Variants in ACACB observed in about 807,000 individuals in gnomAD.
The protein encoded by ACACB is acetyl-CoA carboxylase 2.
In ACACB, 209 loss-of-function variants were observed where a neutral mutation model predicts 278.8. The observed-to-expected ratio is 0.75, with a 90% CI of 0.67 to 0.84. ACACB has a LOEUF of 0.84. ACACB is among the 40% of genes least tolerant of loss of function. The pLI, the probability that ACACB is intolerant of heterozygous loss-of-function variation, is 0.00. For synonymous variants in ACACB, 1,174 were observed against 1,285.6 expected (o/e 0.91, Z 1.86); for missense variants, 2,850 against 3,269.0 (o/e 0.87, Z 3.13).
chr12:109,244,546 C>G (rs1308661189), intron 37 of ACACB, among the ~76,000 whole-genome samples: 2 of 152,188 alleles, frequency 1.3e-5, no homozygotes, highest in African/African-American at 4.8e-5. Context: ...ATGACTGAAC[C>G]AGAAGCAAAT....
chr12:109,212,986 A>G (rs1218662912), intron 22 of ACACB, 50 bp downstream of exon 22: 1 of 1,521,610 alleles, frequency 6.6e-7, no homozygotes, highest in African/African-American at 1.4e-5. Context: ...GAATCGTCGC[A>G]TGCATTGCAC....
At position 109,234,108 on chromosome 12, in the gene ACACB, G is replaced by C. The variant is rs116989914; in HGVS notation, c.4347+63G>C. On this transcript the variant is annotated intron_variant, in intron 31 of 52. Coordinates refer to ENST00000338432, the MANE Select transcript of ACACB (RefSeq NM_001093.4). ...TGGAGAAGGAGGAGGGGCTGGGCTCGTCGAGGCGGCCCTTGGGGAGGCAGG... is the reference window on the plus strand; with the variant it reads ...TGGAGAAGGAGGAGGGGCTGGGCTCCTCGAGGCGGCCCTTGGGGAGGCAGG... 4 of 1,389,040 alleles carry C rather than the reference G, an allele frequency of 2.9e-6. No homozygotes were observed. The East Asian group carries it at 7.5e-5, about 26-fold the overall frequency. 86.0% of individuals were successfully genotyped at this position (1,389,040 alleles called of 1,614,324 possible). A position where few individuals can be genotyped will look rare whatever the true frequency, so the allele number is the denominator to read the frequency against.
Position 109,265,257 on chromosome 12 carries a change from G to A in ACACB, c.7090G>A (p.Val2364Met), listed in dbSNP as rs552167251. The change falls in exon 51 of 53, where the codon GTG becomes ATG. Residue 2364 changes from valine (V) to methionine (M), a missense_variant. Val to Met is a conservative substitution (Grantham distance 21). Transcript: ENST00000338432. ...HIQSMLRRWF[V>M]ETEGAVKAYL... The stretch of plus-strand genomic sequence containing the variant: ...CCAGTCCATGCTGCGTCGCTGGTTC[G>A]TGGAGACGGAGGGGGCTGTCAAGGT... 88 of 1,613,064 alleles carry A rather than the reference G, an allele frequency of 5.5e-5. No homozygotes were observed. The highest frequency in any genetic ancestry group is 1.2e-4 in the Admixed American group (7 of 60,000).
intron 18 of ACACB, 111 bp downstream of exon 18, chr12:109,199,663 A>T: frequency 8.8e-7 from 1 of 1,136,856 alleles, no homozygotes; most frequent in Non-Finnish European, 1.1e-6. Context: ...CACTGTCTGC[A>T]AATTTCTAAG....
intron 37 of ACACB, 30 bp downstream of exon 37, chr12:109,242,622 C>T (rs538139462): frequency 1.2e-6 from 2 of 1,611,390 alleles, no homozygotes; most frequent in African/African-American, 1.3e-5. Context: ...CGCGGTACCC[C>T]CTGGGTCCTC....
chr12:109,262,223 T>C, intron 48 of ACACB, 134 bp from the exon 49 acceptor site: 1 of 650,808 alleles, frequency 1.5e-6, no homozygotes, highest in Non-Finnish European at 2.7e-6. Context: ...ACACAGCATG[T>C]GTGGGGGTAA....
chr12:109,227,535 C>T (rs1443530799), intron 28 of ACACB, 46 bp downstream of exon 28: 2 of 1,572,548 alleles, frequency 1.3e-6, no homozygotes, highest in East Asian at 2.2e-5. Context: ...TTCTGTTCTT[C>T]CTGACCTCTG....
intron 11 of ACACB, among the ~76,000 whole-genome samples, chr12:109,181,770 A>G (rs2044479754): frequency 6.6e-6 from 1 of 151,402 alleles, no homozygotes; most frequent in African/African-American, 2.4e-5. Flanking sequence ...AGTCCTACCA[A>G]CAGTGTATGA....
rs368718566 is a variant in ACACB, at chr12:109,236,555, C to T, written c.4447-610C>T. Among the ~76,000 whole-genome samples the T allele has an allele frequency of 7.9e-5, 12 of 152,222 alleles. No homozygotes were observed. In the South Asian group the frequency reaches 1.2e-3, roughly 16 times the overall value. On this transcript the variant is annotated intron_variant, in intron 33 of 52. Transcript: ENST00000338432. Reference sequence around the variant, plus strand: ...AGAATTGAGTAGTTGTGACAGAGCCCGTATGATCCATCAGCCTAAAACATT... The same window carrying T: ...AGAATTGAGTAGTTGTGACAGAGCCTGTATGATCCATCAGCCTAAAACATT...
Position 109,163,807 on chromosome 12 carries a change from G to A in ACACB, c.654-3054G>A, listed in dbSNP as rs576955425. Among the ~76,000 whole-genome samples the A allele has an allele frequency of 2.6e-5, 4 of 152,210 alleles. No homozygotes were observed. The East Asian group carries it at 7.7e-4, about 29-fold the overall frequency. On this transcript the variant is annotated intron_variant, in intron 2 of 52. Coordinates refer to ENST00000338432, the MANE Select transcript of ACACB (RefSeq NM_001093.4). Reference sequence around the variant, plus strand: ...TGGGATTACAGATGCACACCACCATGCCCGGCTAATTTTTGTATTTTTAGT... The same window carrying A: ...TGGGATTACAGATGCACACCACCATACCCGGCTAATTTTTGTATTTTTAGT...
At chr12:109,154,568 G>C (rs1365825479) in intron 2 of ACACB, 1 of 152,282 alleles carries the variant, frequency 6.6e-6, no homozygotes, top group Non-Finnish European at 1.5e-5. Flanking sequence ...CCGGCCCGGG[G>C]GCGGGGCTCC....
chr12:109,212,887 C>G lies in ACACB; in HGVS notation c.3301C>G (p.Arg1101Gly). The change falls in exon 22 of 53, where the codon CGA becomes GGA. Residue 1101 changes from arginine (R) to glycine (G), a missense_variant. Around this residue, in one of 3 missense-constraint regions of ACACB, gnomAD observed 2,265 missense variants for 2,561.3 expected, o/e 0.88. Transcript: ENST00000338432. Reference protein sequence around the residue: ...HAATLQRKADREVFFINTQSI... With the variant: ...HAATLQRKADGEVFFINTQSI... ...AGCCACCCTGCAGCGGAAGGCTGAT[C>G]GAGAGGTCTTCTTCATCAACACCCA... 1 of 1,614,120 alleles carries G rather than the reference C, an allele frequency of 6.2e-7. No individual in the cohort carries two copies. The highest frequency in any genetic ancestry group is 8.5e-7 in the Non-Finnish European group (1 of 1,180,010).
intron 1 of ACACB, among the ~76,000 whole-genome samples, chr12:109,119,477 C>T (rs1035198583): frequency 2.0e-5 from 3 of 151,728 alleles, no homozygotes; most frequent in Non-Finnish European, 2.9e-5. Flanking sequence ...GTAAACCCAG[C>T]GACTTGGGAG....
intron 1 of ACACB, among the ~76,000 whole-genome samples, chr12:109,123,575 C>T (rs1027290172): frequency 1.3e-5 from 2 of 151,874 alleles, no homozygotes; most frequent in African/African-American, 4.8e-5. Flanking sequence ...CACCTGTAAT[C>T]CCAACTACTC....
At chr12:109,208,562 T>C (rs540831323) in intron 20 of ACACB, among the ~76,000 whole-genome samples, 38 of 152,278 alleles carry the variant, frequency 2.5e-4, no homozygotes, top group Admixed American at 1.4e-3. Context: ...TCAGTTCACT[T>C]TGAAACCTCA....
chr12:109,251,265 AG>A (rs1382461235), intron 41 of ACACB, among the ~76,000 whole-genome samples: 3 of 152,158 alleles, frequency 2.0e-5, no homozygotes, highest in African/African-American at 4.8e-5. Context: ...TATTAATTTT[AG>A]AGAGACACTT....
At chr12:109,231,907 A>G (rs138047081) in intron 28 of ACACB, among the ~76,000 whole-genome samples, 1 of 152,350 alleles carries the variant, frequency 6.6e-6, no homozygotes, top group African/African-American at 2.4e-5. Context: ...GCAGGTGTTC[A>G]GCATAAACCA....
chr12:109,196,995 C>T lies in ACACB; in HGVS notation c.2482-13C>T. The T allele has an allele frequency of 6.5e-7, 1 of 1,541,002 alleles. No homozygotes were observed. The highest frequency in any genetic ancestry group is 8.7e-7 in the Non-Finnish European group (1 of 1,151,140). On this transcript the variant is annotated splice_polypyrimidine_tract_variant and intron_variant, in intron 16 of 52. Coordinates refer to ENST00000338432, the MANE Select transcript of ACACB (RefSeq NM_001093.4). ...CCTGAACCCAGGCGGTGACAAGGGG[C>T]TTGTCCCCACAGGTGGCCCGGCAGT...
intron 17 of ACACB, among the ~76,000 whole-genome samples, chr12:109,198,937 C>G (rs573972423): frequency 6.6e-6 from 1 of 152,140 alleles, no homozygotes; most frequent in African/African-American, 2.4e-5. Flanking sequence ...TCTGTAATCC[C>G]AGCACTTTGG....
Sources: gnomAD v4.1 joint callset for allele counts (sites outside exome capture counted in the v4.1 genomes callset) on GRCh38, gnomAD v4.1.1 for gene constraint, gnomAD v4.1.1 regional missense constraint, MANE v1.5 for transcripts, NCBI Gene and HGNC (gene_info 2026-07-23, HGNC 2026-07-21) for gene names.